Variants in FSTL1 observed in about 807,000 individuals in gnomAD.
FSTL1 encodes follistatin like 1.
FSTL1 carries 24 observed loss-of-function variants against 45.9 expected under a neutral mutation model. The ratio of observed to expected loss-of-function variants is 0.52; its 90% CI spans 0.38 to 0.74. The LOEUF is 0.74. Ranked by LOEUF, FSTL1 falls within the 30% of genes least tolerant of loss-of-function variation. FSTL1 has a pLI of 0.00. For synonymous variants in FSTL1, 120 were observed against 137.6 expected (o/e 0.87, Z 0.89); for missense variants, 340 against 381.8 (o/e 0.89, Z 0.91).
intron 3 of FSTL1, among the ~76,000 whole-genome samples, chr3:120,412,834 GCGCGCACACA>G (rs1458642937): frequency 3.7e-4 from 29 of 77,540 alleles, no homozygotes; most frequent in East Asian, 7.6e-4. Context: ...GCGCGCGCGC[GCGCGCACACA>G]CACACACACA....
chr3:120,441,332 G>C (rs1937625216), intron 2 of FSTL1: 1 of 152,066 alleles, frequency 6.6e-6, no homozygotes, highest in Non-Finnish European at 1.5e-5. Flanking sequence ...TCTACCTTTA[G>C]GGAGAACCTA....
At position 120,404,160 on chromosome 3, in the gene FSTL1, T is replaced by C. The variant is rs373661157; in HGVS notation, c.581+693A>G. On this transcript the variant is annotated intron_variant, in intron 7 of 10. Transcript: ENST00000295633. ...GAAGCCCTCCTTCACTGGGATATCATGAGGCTCAAACGTTGAAATTATAAA... is the reference window on the plus strand; with the variant it reads ...GAAGCCCTCCTTCACTGGGATATCACGAGGCTCAAACGTTGAAATTATAAA... Among the ~76,000 whole-genome samples the C allele has an allele frequency of 2.4e-4, 37 of 152,254 alleles. 1 individual carries two copies. The East Asian group carries it at 4.4e-3, about 18-fold the overall frequency.
At chr3:120,415,395 T>C (rs908006064) in intron 3 of FSTL1, among the ~76,000 whole-genome samples, 6 of 152,206 alleles carry the variant, frequency 3.9e-5, no homozygotes, top group African/African-American at 1.4e-4. Flanking sequence ...TTAAATGAGT[T>C]AAAAGTATAT....
chr3:120,402,864 C>G lies in FSTL1; in HGVS notation c.749G>C (p.Cys250Ser). 2 of 1,613,754 alleles carry G rather than the reference C, an allele frequency of 1.2e-6. No homozygotes were observed. Among genetic ancestry groups the G allele is most frequent in the Non-Finnish European group, 1.7e-6 (2 of 1,179,676 alleles). Residue 250 changes from cysteine (C) to serine (S), a missense_variant, in exon 9 of 11, where the codon TGT (cysteine) becomes TCT (serine). Transcript: ENST00000295633. ...YADGAETEVDCNRCVCACGNW... is the reference protein window; with the variant it reads ...YADGAETEVDSNRCVCACGNW... ...TCCACAGGCACAGACACAGCGGTTACAGTCCACCTCGGTCTCAGCTCCATC... is the reference window on the plus strand; with the variant it reads ...TCCACAGGCACAGACACAGCGGTTAGAGTCCACCTCGGTCTCAGCTCCATC...
At chr3:120,405,333 C>G (rs1936927190) in intron 6 of FSTL1, among the ~76,000 whole-genome samples, 1 of 152,172 alleles carries the variant, frequency 6.6e-6, no homozygotes, top group South Asian at 2.1e-4. Context: ...GAACATGTAA[C>G]AAGAGTTTAA....
At position 120,404,935 on chromosome 3, in the gene FSTL1, C is replaced by T. The variant is rs757655104; in HGVS notation, c.499G>A (p.Glu167Lys). Reference protein sequence around the residue: ...DNGDSRLDSSEFLKFVEQNET... With the variant: ...DNGDSRLDSSKFLKFVEQNET... ...TTCTGTTCCACAAACTTCAGGAATT[C>T]ACTGGAGTCCAGGCGAGAATCACCA... The change falls in exon 7 of 11, where the codon GAA becomes AAA. Residue 167 changes from glutamate (E) to lysine (K), a missense_variant. Glu to Lys is a moderately conservative substitution (Grantham distance 56, BLOSUM62 1). Coordinates refer to ENST00000295633, the MANE Select transcript of FSTL1 (RefSeq NM_007085.5). 6.9e-6 allele frequency: 11 copies of T among 1,599,874 alleles called. No homozygotes were observed. Among genetic ancestry groups the T allele is most frequent in the Non-Finnish European group, 8.6e-6 (10 of 1,167,040 alleles).
Position 120,396,699 on chromosome 3 carries a change from T to C in FSTL1, c.*253A>G, listed in dbSNP as rs888776640. The C allele has an allele frequency of 2.1e-6, 1 of 479,404 alleles. No homozygotes were observed. The highest frequency in any genetic ancestry group is 3.7e-6 in the Non-Finnish European group (1 of 269,962). 29.7% of individuals were successfully genotyped at this position (479,404 alleles called of 1,614,324 possible). Reference sequence around the variant, plus strand: ...CTCTTTCAATCGTGATGCAGTTTCCTTACTAGCCTCCAGCCCCAGAGCACC... The same window carrying C: ...CTCTTTCAATCGTGATGCAGTTTCCCTACTAGCCTCCAGCCCCAGAGCACC... On this transcript the variant is annotated 3_prime_UTR_variant, in exon 11 of 11. Coordinates refer to ENST00000295633, the MANE Select transcript of FSTL1 (RefSeq NM_007085.5).
intron 5 of FSTL1, 105 bp downstream of exon 5, chr3:120,410,847 C>T (rs781133426): frequency 1.1e-6 from 1 of 899,948 alleles, no homozygotes; most frequent in Non-Finnish European, 1.9e-6. Context: ...AATTCTGATG[C>T]ATAGAAGATC....
intron 2 of FSTL1, among the ~76,000 whole-genome samples, chr3:120,422,491 C>A (rs925073205): frequency 5.9e-5 from 9 of 152,062 alleles, no homozygotes; most frequent in South Asian, 4.1e-4. Flanking sequence ...TCAGTGATAT[C>A]TCAATAAAGC....
At position 120,450,685 on chromosome 3, in the gene FSTL1, T is replaced by G. The variant is rs1937874645; in HGVS notation, c.62A>C (p.Glu21Ala). 2 of 1,229,582 alleles carry G rather than the reference T, an allele frequency of 1.6e-6. No homozygotes were observed. The highest frequency in any genetic ancestry group is 1.7e-5 in the African/African-American group (1 of 59,210). 76.2% of individuals were successfully genotyped at this position (1,229,582 alleles called of 1,614,324 possible). The stretch of plus-strand genomic sequence containing the variant: ...CGGACTCCTCGGCCCCTCGCCTACC[T>G]CGGCGCGGACCCAGGCGACCGCCAC... ...ALVAVAWVRA[E>A]EELRSKSKIC... The change falls in exon 2 of 11, where the codon GAG (glutamate) becomes GCG (alanine). Residue 21 changes from glutamate (E) to alanine (A), a missense_variant and splice_region_variant. Transcript: ENST00000295633.
At position 120,396,889 on chromosome 3, in the gene FSTL1, T is replaced by A; in HGVS notation, c.*63A>T. 1 of 1,144,162 alleles carries A rather than the reference T, an allele frequency of 8.7e-7. No individual in the cohort carries two copies. The highest frequency in any genetic ancestry group is 1.2e-5 in the South Asian group (1 of 81,458). The allele number at this position is 1,144,162 out of a possible 1,614,324, so 70.9% of individuals were successfully genotyped here. A position where few individuals can be genotyped will look rare whatever the true frequency, so the allele number is the denominator to read the frequency against. ...GGCGACTGTAGCAGACACTTGTGTA[T>A]ACTGAACTCAGCGCTGAAGTGGAGA... On this transcript the variant is annotated 3_prime_UTR_variant, in exon 11 of 11. Transcript: ENST00000295633.
intron 5 of FSTL1, 50 bp downstream of exon 5, chr3:120,410,902 A>T (rs775177415): frequency 7.0e-7 from 1 of 1,422,136 alleles, no homozygotes. Context: ...TTCTATCATG[A>T]AAAGAATGTC....
At chr3:120,399,555 A>G (rs1287334630) in intron 10 of FSTL1, among the ~76,000 whole-genome samples, 1 of 152,196 alleles carries the variant, frequency 6.6e-6, no homozygotes, top group Non-Finnish European at 1.5e-5. Flanking sequence ...GACACTGGTC[A>G]TGACAGGATA....
chr3:120,426,614 A>G (rs1177234271), intron 2 of FSTL1, among the ~76,000 whole-genome samples: 1 of 151,900 alleles, frequency 6.6e-6, no homozygotes, highest in Non-Finnish European at 1.5e-5. Context: ...CTGGAACAGT[A>G]CCCCCATCAC....
intron 7 of FSTL1, 80 bp from the exon 8 acceptor site, chr3:120,403,434 T>A: frequency 3.5e-6 from 3 of 845,274 alleles, no homozygotes; most frequent in Non-Finnish European, 6.0e-6. Flanking sequence ...CAGGACCACA[T>A]ACACCCAGGG....
chr3:120,402,231 A>G (rs1459549597), intron 9 of FSTL1, among the ~76,000 whole-genome samples: 1 of 152,126 alleles, frequency 6.6e-6, no homozygotes, highest in Non-Finnish European at 1.5e-5. Context: ...AGGGTCTACA[A>G]ACATATTTTC....
intron 2 of FSTL1, among the ~76,000 whole-genome samples, chr3:120,429,937 C>T (rs1326916542): frequency 1.3e-5 from 2 of 152,174 alleles, no homozygotes; most frequent in Admixed American, 6.5e-5. Context: ...GGGATCATTC[C>T]ACAGCAGTGA....
rs556788988 is a variant in FSTL1, at chr3:120,430,904, A to G, written c.64-14877T>C. 2.1e-3 allele frequency among the ~76,000 whole-genome samples: 324 copies of G among 152,342 alleles called. 4 individuals carry two copies. The highest frequency in any genetic ancestry group is 7.0e-3 in the African/African-American group (293 of 41,572). ...CAATGTGTGGCTATGGTTAAGTGAC[A>G]ACTGTCTAGAGCAGTGCTGTCCAAC... On this transcript the variant is annotated intron_variant, in intron 2 of 10. Coordinates refer to ENST00000295633, the MANE Select transcript of FSTL1 (RefSeq NM_007085.5).
intron 2 of FSTL1, among the ~76,000 whole-genome samples, chr3:120,443,611 C>G (rs1043611837): frequency 1.3e-5 from 2 of 149,404 alleles, no homozygotes; most frequent in Non-Finnish European, 1.5e-5. Flanking sequence ...TATCCCATGA[C>G]ACACACACAC....
Sources: allele counts gnomAD v4.1 joint callset (sites outside exome capture counted in the v4.1 genomes callset), GRCh38; gene constraint gnomAD v4.1.1; transcripts MANE v1.5; gene names NCBI Gene and HGNC (gene_info 2026-07-23, HGNC 2026-07-21).